Variants in POR observed in about 807,000 individuals in gnomAD.
POR encodes NADPH--cytochrome P450 reductase.
In POR, 56 loss-of-function variants were observed where a neutral mutation model predicts 84.0. That is an observed-to-expected ratio of 0.67 (90% CI 0.54 to 0.83). The LOEUF (loss-of-function observed/expected upper bound fraction) is 0.83. Among genes scored for constraint, POR ranks in the 40% least tolerant of loss-of-function variants. POR has a pLI of 0.00. For missense variants in POR, 938 were observed against 944.3 expected (o/e 0.99, Z 0.09); for synonymous variants, 414 against 400.5 (o/e 1.03, Z -0.40).
rs938800345 is a variant in POR, at chr7:75,981,623, A to G, written c.731+17A>G. 2.5e-6 allele frequency: 4 copies of G among 1,608,642 alleles called. No individual in the cohort carries two copies. Among genetic ancestry groups the G allele is most frequent in the Non-Finnish European group, 3.4e-6 (4 of 1,177,422 alleles). On this transcript the variant is annotated intron_variant, in intron 7 of 15. Transcript: ENST00000461988. ...GGAGTCCAGGTGAGCAAGTGCCCGC[A>G]GGTGCGGTGGGTGGCCTGGGCGGGT...
intron 1 of POR, among the ~76,000 whole-genome samples, chr7:75,951,224 G>A (rs554160371): frequency 4.0e-5 from 6 of 151,896 alleles, no homozygotes; most frequent in South Asian, 4.2e-4. Flanking sequence ...GTGAAACCCC[G>A]TCTCTACTAA....
At chr7:75,932,667 T>C (rs1807477085) in intron 1 of POR, among the ~76,000 whole-genome samples, 1 of 152,032 alleles carries the variant, frequency 6.6e-6, no homozygotes, top group Non-Finnish European at 1.5e-5. Context: ...AACAAGAAAA[T>C]GTTCACAATT....
At chr7:75,956,260 C>A (rs1352488961) in intron 2 of POR, among the ~76,000 whole-genome samples, 1 of 152,206 alleles carries the variant, frequency 6.6e-6, no homozygotes, top group Non-Finnish European at 1.5e-5. Context: ...GAATGCGCCA[C>A]TGCATTCCAG....
At chr7:75,922,812 G>C in intron 1 of POR, 1 of 492,816 alleles carries the variant, frequency 2.0e-6, no homozygotes, top group Non-Finnish European at 3.6e-6. Context: ...CCTGAAAGCA[G>C]AAGGCTTATC....
At chr7:75,921,949 C>T (rs1368735099) in intron 1 of POR, among the ~76,000 whole-genome samples, 1 of 151,850 alleles carries the variant, frequency 6.6e-6, no homozygotes, top group Non-Finnish European at 1.5e-5. Flanking sequence ...TTAAGTGGTC[C>T]ACCCAGCTCA....
Position 75,986,427 on chromosome 7 carries a change from C to T in POR, c.1989C>T (p.Asp663=), listed in dbSNP as rs1789475925. The change falls in exon 16 of 16, where the codon GAC becomes GAT. Residue 663 remains aspartate, a synonymous_variant. Transcript: ENST00000461988. ...CCATGGAGCACGCGCAGGCGGTGGACTACATCAAGAAACTGATGACCAAGG... is the reference window on the plus strand; with the variant it reads ...CCATGGAGCACGCGCAGGCGGTGGATTACATCAAGAAACTGATGACCAAGG... The T allele has an allele frequency of 1.9e-6, 3 of 1,612,476 alleles. No individual in the cohort carries two copies. In the East Asian group the frequency reaches 6.7e-5, roughly 36 times the overall value.
chr7:75,958,854 T>C (rs1310395407), intron 2 of POR, among the ~76,000 whole-genome samples: 1 of 151,992 alleles, frequency 6.6e-6, no homozygotes, highest in African/African-American at 2.4e-5. Context: ...TGGTGTTAAT[T>C]TGTTAATTTA....
At chr7:75,923,492 C>G (rs1806971702) in intron 1 of POR, 2 of 504,848 alleles carry the variant, frequency 4.0e-6, no homozygotes, top group African/African-American at 3.9e-5. Context: ...GAACTGGAAG[C>G]TTGTGTTATT....
chr7:75,957,679 T>A (rs4732510), intron 2 of POR, among the ~76,000 whole-genome samples: 21,137 of 152,204 alleles, frequency 0.14, 1,878 homozygotes, highest in South Asian at 0.21. Context: ...AGCACTTGTA[T>A]TTTTTTGTTG....
chr7:75,949,215 C>T (rs924444408), intron 1 of POR, among the ~76,000 whole-genome samples: 3 of 151,508 alleles, frequency 2.0e-5, no homozygotes, highest in East Asian at 3.9e-4. Flanking sequence ...AGTGCAGTGG[C>T]GTGATCTCAG....
chr7:75,936,796 CT>C (rs1169808224), intron 1 of POR, among the ~76,000 whole-genome samples: 1 of 151,240 alleles, frequency 6.6e-6, no homozygotes, highest in African/African-American at 2.4e-5. Flanking sequence ...AGCAAGACCC[CT>C]GGCTCTGTTT....
rs903581151 is a variant in POR, at chr7:75,915,636, A to T, written c.-5+457A>T. The T allele has an allele frequency of 4.1e-4, 62 of 152,240 alleles. 1 individual carries two copies. Among genetic ancestry groups the T allele is most frequent in the African/African-American group, 1.5e-3 (61 of 41,428 alleles). The allele number at this position is 152,240 out of a possible 1,614,324, so 9.4% of individuals were successfully genotyped here. A position where few individuals can be genotyped will look rare whatever the true frequency, so the allele number is the denominator to read the frequency against. Reference sequence around the variant, plus strand: ...CGTGAGAGGCGCTCGATGCATGCTCATGGGACCCGAATCTAACCCTGCAGC... The same window carrying T: ...CGTGAGAGGCGCTCGATGCATGCTCTTGGGACCCGAATCTAACCCTGCAGC... On this transcript the variant is annotated intron_variant, in intron 1 of 15. Transcript: ENST00000461988.
At chr7:75,979,310 G>T in intron 3 of POR, 141 bp from the exon 4 acceptor site, 1 of 992,354 alleles carries the variant, frequency 1.0e-6, no homozygotes, top group Non-Finnish European at 1.5e-6. Context: ...AAGTCCCAGA[G>T]GAACTTAGAA....
At chr7:75,985,436 G>A in intron 12 of POR, 143 bp from the exon 13 acceptor site, 1 of 1,184,746 alleles carries the variant, frequency 8.4e-7, no homozygotes, top group Admixed American at 2.9e-5. Flanking sequence ...GAAGCCGCTG[G>A]GGAGGGGGCC....
Position 75,982,280 on chromosome 7 carries a change from T to G in POR, c.788T>G (p.Met263Arg), listed in dbSNP as rs1554558185. ...GACATAGATGCGGCCAAGGTGTACA[T>G]GGGGGAGATGGGCCGGCTGAAGAGC... is the stretch of plus-strand genomic sequence containing the variant. The change falls in exon 8 of 16, where the codon ATG becomes AGG. Residue 263 changes from methionine to arginine, a missense_variant. Met to Arg is a moderately conservative substitution (Grantham distance 91, BLOSUM62 -1). Coordinates refer to ENST00000461988, the MANE Select transcript of POR (RefSeq NM_000941.3). The G allele has an allele frequency of 6.2e-7, 1 of 1,612,766 alleles. No homozygotes were observed. Among genetic ancestry groups the G allele is most frequent in the South Asian group, 1.1e-5 (1 of 90,806 alleles).
At chr7:75,967,988 G>A (rs1788259258) in intron 2 of POR, 1 of 453,238 alleles carries the variant, frequency 2.2e-6, no homozygotes, top group South Asian at 1.6e-5. Context: ...GGATGCACAG[G>A]GCCGAACTTT....
Position 75,967,415 on chromosome 7 carries a change from C to T in POR, c.189-4998C>T, listed in dbSNP as rs539863903. ...TGATGGGAGGGGAAGGTGTGTCTTT[C>T]ATGGCACACAGGATGCTTCCCGCTG... On this transcript the variant is annotated intron_variant, in intron 2 of 15. Coordinates refer to ENST00000461988, the MANE Select transcript of POR (RefSeq NM_000941.3). 6.6e-5 allele frequency among the ~76,000 whole-genome samples: 10 copies of T among 152,254 alleles called. No individual in the cohort carries two copies. The East Asian group carries it at 1.7e-3, about 27-fold the overall frequency.
chr7:75,929,904 G>A (rs1327004002), intron 1 of POR, among the ~76,000 whole-genome samples: 1 of 152,148 alleles, frequency 6.6e-6, no homozygotes, highest in Non-Finnish European at 1.5e-5. Flanking sequence ...ACAGTAGCCA[G>A]CATGAGAACC....
Position 75,979,532 on chromosome 7 carries a change from C to G in POR, c.319C>G (p.Arg107Gly). ...CAACCGCCTGTCCAAGGACGCCCACCGCTACGGGATGCGAGGCATGTCAGC... is the reference window on the plus strand; with the variant it reads ...CAACCGCCTGTCCAAGGACGCCCACGGCTACGGGATGCGAGGCATGTCAGC... Residue 107 changes from arginine (R) to glycine (G), a missense_variant, in exon 4 of 16, where the codon CGC becomes GGC. Physicochemically the swap from Arg to Gly is moderately radical, Grantham distance 125. Coordinates refer to ENST00000461988, the MANE Select transcript of POR (RefSeq NM_000941.3). 1.2e-6 allele frequency: 2 copies of G among 1,613,628 alleles called. No individual in the cohort carries two copies. Among genetic ancestry groups the G allele is most frequent in the Non-Finnish European group, 1.7e-6 (2 of 1,179,848 alleles).
Sources: allele counts gnomAD v4.1 joint callset (sites outside exome capture counted in the v4.1 genomes callset), GRCh38; gene constraint gnomAD v4.1.1; transcripts MANE v1.5; gene names NCBI Gene and HGNC (gene_info 2026-07-23, HGNC 2026-07-21).